PUS7: variants seen among roughly 807,000 people sequenced by gnomAD.
The protein encoded by PUS7 is pseudouridylate synthase 7 homolog.
In PUS7, 48 loss-of-function variants were observed where a neutral mutation model predicts 79.8. The ratio of observed to expected loss-of-function variants is 0.60; its 90% confidence interval spans 0.48 to 0.76. The LOEUF is 0.76. PUS7 is among the 30% of genes least tolerant of loss of function. The pLI, the probability that PUS7 is intolerant of heterozygous loss-of-function variation, is 0.00. For synonymous variants in PUS7, 286 were observed against 272.2 expected, an observed-to-expected ratio of 1.05 and a Z score of -0.50; for missense variants, 729 against 797.6, an observed-to-expected ratio of 0.91 and a Z score of 1.04.
chr7:105,520,321 T>C (rs1269810754), intron 1 of PUS7, among the ~76,000 whole-genome samples: 1 of 151,776 alleles, frequency 6.6e-6, no homozygotes, highest in Admixed American at 6.6e-5. Context: ...TAGCCGGGCG[T>C]GGTGGCGGGC....
chr7:105,494,287 C>T (rs946462221), intron 6 of PUS7, among the ~76,000 whole-genome samples: 1 of 151,966 alleles, frequency 6.6e-6, no homozygotes, highest in Non-Finnish European at 1.5e-5. Flanking sequence ...ATTGGCACTA[C>T]GTATGTGGGG....
chr7:105,495,776 TA>T lies in PUS7; in HGVS notation c.731-524del, dbSNP rs200964527. On this transcript the variant is annotated intron_variant, in intron 5 of 15. Transcript: ENST00000469408. ...TAAATAAAAGAAAAACATTTTTAATTAAAAAAAAGAACATAAAAAAATTAAG... is the reference window on the plus strand; with the variant it reads ...TAAATAAAAGAAAAACATTTTTAATTAAAAAAAGAACATAAAAAAATTAAG... Among the ~76,000 whole-genome samples, 898 of 151,770 alleles carry T rather than the reference TA, an allele frequency of 5.9e-3. 16 individuals carry two copies. Among genetic ancestry groups the T allele is most frequent in the East Asian group, 0.043 (224 of 5,184 alleles).
At chr7:105,481,259 G>T in intron 8 of PUS7, 82 bp from the exon 9 acceptor site, 1 of 1,284,004 alleles carries the variant, frequency 7.8e-7, no homozygotes, top group Non-Finnish European at 1.0e-6. Context: ...CTACGGCCTG[G>T]CTTCCAAGTC....
In PUS7 at chr7:105,457,416, C is replaced by T. The variant is rs1351027208; in HGVS notation, c.*374G>A. ...TTTTGTTGCATTTGCTCTTAAAATG[C>T]ATTGTTGTATACTCCATCACAGATG... On this transcript the variant is annotated 3_prime_UTR_variant, in exon 16 of 16. Transcript: ENST00000469408. The T allele has an allele frequency of 1.3e-5, 2 of 155,412 alleles. No homozygotes were observed. Among genetic ancestry groups the T allele is most frequent in the Non-Finnish European group, 2.8e-5 (2 of 70,226 alleles). The allele number at this position is 155,412 out of a possible 1,614,324, so 9.6% of individuals were successfully genotyped here. A position where few individuals can be genotyped will look rare whatever the true frequency, so the allele number is the denominator to read the frequency against.
At chr7:105,513,619 C>T (rs149488801) in intron 1 of PUS7, among the ~76,000 whole-genome samples, 6 of 150,578 alleles carry the variant, frequency 4.0e-5, no homozygotes, top group Non-Finnish European at 8.9e-5. Flanking sequence ...GGCCGGATCA[C>T]GAAGTCAGGA....
At chr7:105,513,647 C>T (rs188990398) in intron 1 of PUS7, among the ~76,000 whole-genome samples, 1,775 of 149,994 alleles carry the variant, frequency 0.012, 25 homozygotes, top group African/African-American at 0.041. Flanking sequence ...ACCAACCTGG[C>T]TAACATGGTG....
chr7:105,497,076 A>G, intron 5 of PUS7: 1 of 840,246 alleles, frequency 1.2e-6, no homozygotes, highest in Non-Finnish European at 1.5e-6. Flanking sequence ...TTAAGTTTAC[A>G]CTGAGGACTT....
At chr7:105,501,881 G>A (rs1238919448) in intron 5 of PUS7, among the ~76,000 whole-genome samples, 1 of 151,128 alleles carries the variant, frequency 6.6e-6, no homozygotes, top group Non-Finnish European at 1.5e-5. Context: ...CATGAACCCA[G>A]GAGGCGGAGC....
intron 14 of PUS7, among the ~76,000 whole-genome samples, chr7:105,461,331 A>T (rs1563350397): frequency 6.6e-6 from 1 of 152,222 alleles, no homozygotes; most frequent in Non-Finnish European, 1.5e-5. Context: ...AGTGATGCCA[A>T]TAAAATGTAA....
At chr7:105,459,035 A>G (rs1486791901) in intron 15 of PUS7, 133 bp downstream of exon 15, 9 of 495,368 alleles carry the variant, frequency 1.8e-5, no homozygotes, top group Non-Finnish European at 3.2e-5. Context: ...TTGTGAAAGT[A>G]AGGTCATAAA....
chr7:105,467,783 C>A (rs1823717517), intron 12 of PUS7, among the ~76,000 whole-genome samples: 1 of 151,866 alleles, frequency 6.6e-6, no homozygotes, highest in Non-Finnish European at 1.5e-5. Context: ...AATCCCAGCA[C>A]TTTGGGAGGC....
At chr7:105,461,153 A>C (rs183171821) in intron 14 of PUS7, among the ~76,000 whole-genome samples, 94 of 152,294 alleles carry the variant, frequency 6.2e-4, no homozygotes, top group African/African-American at 2.1e-3. Flanking sequence ...ACGAACTAAC[A>C]TAAGTATATT....
intron 8 of PUS7, 100 bp from the exon 9 acceptor site, chr7:105,481,277 C>G (rs974716959): frequency 1.0e-6 from 1 of 965,908 alleles, no homozygotes; most frequent in Admixed American, 3.0e-5. Context: ...GTCTTTCGTT[C>G]ACTCTCCTGC....
intron 1 of PUS7, among the ~76,000 whole-genome samples, chr7:105,516,107 C>T (rs1825884479): frequency 2.0e-5 from 3 of 151,912 alleles, no homozygotes; most frequent in African/African-American, 4.8e-5. Flanking sequence ...CCACGCCTGG[C>T]CTAATTTTAG....
At chr7:105,518,138 ACT>A (rs1825965683) in intron 1 of PUS7, among the ~76,000 whole-genome samples, 1 of 150,434 alleles carries the variant, frequency 6.6e-6, no homozygotes. Flanking sequence ...ACAGAGGGAG[ACT>A]CTGTCTCAAA....
chr7:105,462,554 A>T (rs972453961), intron 14 of PUS7, 67 bp downstream of exon 14: 16 of 1,569,356 alleles, frequency 1.0e-5, no homozygotes, highest in African/African-American at 1.4e-5. Flanking sequence ...GACTCTATAT[A>T]AAGTGAAGCA....
rs1234143025 is a variant in PUS7, at chr7:105,457,779, C to T, written c.*11G>A. ...TTGTGTACGTTTTCTAATCTGTGGA[C>T]AAGGTACTGCTCAGCGAAGCCAGGT... On this transcript the variant is annotated 3_prime_UTR_variant, in exon 16 of 16. Transcript: ENST00000469408. 4 of 1,612,396 alleles carry T rather than the reference C, an allele frequency of 2.5e-6. No individual in the cohort carries two copies. Among genetic ancestry groups the T allele is most frequent in the Non-Finnish European group, 3.4e-6 (4 of 1,179,054 alleles).
chr7:105,473,319 G>A (rs1181685419), intron 9 of PUS7, among the ~76,000 whole-genome samples: 1 of 151,998 alleles, frequency 6.6e-6, no homozygotes, highest in Non-Finnish European at 1.5e-5. Context: ...GCATGATCTT[G>A]GCTCGCTGCA....
intron 5 of PUS7, chr7:105,496,891 T>C: frequency 9.0e-7 from 1 of 1,106,766 alleles, no homozygotes; most frequent in Non-Finnish European, 1.1e-6. Flanking sequence ...TGTCTATACT[T>C]AGCACTTGTG....
Sources: gnomAD v4.1 joint callset for allele counts (sites outside exome capture counted in the v4.1 genomes callset) on GRCh38, gnomAD v4.1.1 for gene constraint, MANE v1.5 for transcripts, NCBI Gene and HGNC (gene_info 2026-07-23, HGNC 2026-07-21) for gene names.